TENM4: variants seen among roughly 807,000 people sequenced by gnomAD.
TENM4 encodes teneurin transmembrane protein 4.
TENM4 carries 82 observed loss-of-function variants against 243.3 expected under a neutral mutation model. The ratio of observed to expected loss-of-function variants is 0.34; its 90% CI spans 0.28 to 0.40. TENM4 has a LOEUF of 0.40. Among genes scored for constraint, TENM4 ranks in the 10% least tolerant of loss-of-function variants. The pLI, the probability that TENM4 is intolerant of heterozygous loss-of-function variation, is 1.00. For synonymous variants in TENM4, 1,412 were observed against 1,456.3 expected, an observed-to-expected ratio of 0.97 and a Z score of 0.69; for missense variants, 3,138 against 3,673.3, an observed-to-expected ratio of 0.85 and a Z score of 3.77.
chr11:78,889,494 C>G (rs1855614970), intron 9 of TENM4, among the ~76,000 whole-genome samples: 1 of 152,230 alleles, frequency 6.6e-6, no homozygotes, highest in South Asian at 2.1e-4. Context: ...AAAGGCTAGT[C>G]TTACTGAGCA....
chr11:78,673,670 A>G (rs1858392304), intron 30 of TENM4, among the ~76,000 whole-genome samples: 1 of 152,254 alleles, frequency 6.6e-6, no homozygotes, highest in African/African-American at 2.4e-5. Context: ...GAAACTTAGT[A>G]AATCAGTGGA....
At chr11:79,125,449 TATC>T (rs1370815889) in intron 4 of TENM4, among the ~76,000 whole-genome samples, 1 of 152,086 alleles carries the variant, frequency 6.6e-6, no homozygotes, top group Non-Finnish European at 1.5e-5. Context: ...CACAAGCTCT[TATC>T]ATGTGAGTGG....
At chr11:78,834,819 G>C (rs1037978502) in intron 12 of TENM4, among the ~76,000 whole-genome samples, 22 of 152,044 alleles carry the variant, frequency 1.4e-4, no homozygotes, top group African/African-American at 5.1e-4. Flanking sequence ...GAAACTTAAG[G>C]GTTTCATTGC....
At chr11:79,244,435 G>A (rs1274711285) in intron 2 of TENM4, among the ~76,000 whole-genome samples, 7 of 142,010 alleles carry the variant, frequency 4.9e-5, no homozygotes, top group African/African-American at 2.0e-4. Flanking sequence ...GGCTGTATGT[G>A]TCTATGTGTG....
At chr11:78,852,594 G>A (rs549303690) in intron 12 of TENM4, among the ~76,000 whole-genome samples, 78 of 152,244 alleles carry the variant, frequency 5.1e-4, no homozygotes, top group Admixed American at 2.2e-3. Flanking sequence ...AAGGCAGGAG[G>A]ATCACCCGAG....
chr11:78,832,415 T>C (rs1000554180), intron 12 of TENM4, among the ~76,000 whole-genome samples: 4 of 152,268 alleles, frequency 2.6e-5, no homozygotes, highest in African/African-American at 9.6e-5. Context: ...GTCTCCCTTT[T>C]GGGAGCAGCA....
intron 6 of TENM4, among the ~76,000 whole-genome samples, chr11:78,942,108 TAA>T (rs34713120): frequency 0.013 from 1,578 of 118,904 alleles, 31 homozygotes; most frequent in African/African-American, 0.044. Flanking sequence ...GCTGATGAGC[TAA>T]AAAAAAAAAA....
chr11:79,320,915 G>A (rs537112142), intron 1 of TENM4, among the ~76,000 whole-genome samples: 2 of 152,294 alleles, frequency 1.3e-5, no homozygotes, highest in African/African-American at 4.8e-5. Context: ...ACTGAGCTAG[G>A]TGTCTCTGCA....
chr11:79,363,623 G>C (rs941603997), intron 1 of TENM4, among the ~76,000 whole-genome samples: 5 of 152,212 alleles, frequency 3.3e-5, no homozygotes, highest in African/African-American at 1.2e-4. Context: ...AAAGTGTCCA[G>C]CACAGAGTCT....
chr11:79,298,863 C>A (rs1856503814), intron 1 of TENM4, among the ~76,000 whole-genome samples: 1 of 152,182 alleles, frequency 6.6e-6, no homozygotes, highest in Non-Finnish European at 1.5e-5. Flanking sequence ...CAAATCAATT[C>A]ATATTTTTTC....
chr11:78,839,779 T>C (rs180878671), intron 12 of TENM4, among the ~76,000 whole-genome samples: 5 of 152,352 alleles, frequency 3.3e-5, no homozygotes, highest in Admixed American at 3.3e-4. Context: ...GCTGTTTCTT[T>C]TTCTGTCTTT....
At chr11:79,028,525 T>G (rs1859143812) in intron 6 of TENM4, among the ~76,000 whole-genome samples, 1 of 152,166 alleles carries the variant, frequency 6.6e-6, no homozygotes. Context: ...TGTCTCAAAT[T>G]GGGTCAAGAA....
At chr11:79,154,546 C>G (rs905474286) in intron 3 of TENM4, among the ~76,000 whole-genome samples, 2 of 152,084 alleles carry the variant, frequency 1.3e-5, no homozygotes, top group Admixed American at 1.3e-4. Context: ...CCCCTGACCC[C>G]CTGCTGATGT....
chr11:78,661,025 G>A (rs1057491638), intron 33 of TENM4, among the ~76,000 whole-genome samples: 2 of 152,158 alleles, frequency 1.3e-5, no homozygotes, highest in Admixed American at 6.5e-5. Flanking sequence ...CCTCAGGCAC[G>A]AGTCTGTAAA....
intron 3 of TENM4, among the ~76,000 whole-genome samples, chr11:79,154,183 A>G (rs1862560032): frequency 6.6e-6 from 1 of 152,034 alleles, no homozygotes; most frequent in African/African-American, 2.4e-5. Context: ...TGCAGGCTGT[A>G]CAGGAAGCAT....
At chr11:78,944,309 C>A (rs995956897) in intron 6 of TENM4, among the ~76,000 whole-genome samples, 2 of 152,144 alleles carry the variant, frequency 1.3e-5, no homozygotes, top group African/African-American at 4.8e-5. Flanking sequence ...CACTTTCCTA[C>A]CCATCCCTAG....
chr11:78,906,996 G>A (rs779988208), intron 6 of TENM4, among the ~76,000 whole-genome samples: 2 of 152,152 alleles, frequency 1.3e-5, no homozygotes, highest in Non-Finnish European at 2.9e-5. Context: ...GCTAGACCAT[G>A]GGTCTATGCA....
At chr11:78,944,850 T>G (rs113006226) in intron 6 of TENM4, among the ~76,000 whole-genome samples, 6 of 152,328 alleles carry the variant, frequency 3.9e-5, no homozygotes, top group South Asian at 2.1e-4. Context: ...TCAGAATGGA[T>G]TACTAATCTG....
chr11:79,091,724 G>T (rs1860957050), intron 4 of TENM4, among the ~76,000 whole-genome samples: 1 of 152,120 alleles, frequency 6.6e-6, no homozygotes, highest in African/African-American at 2.4e-5. Context: ...TGGGACTGCA[G>T]GATGCCAACA....
Sources: allele counts gnomAD v4.1 joint callset (sites outside exome capture counted in the v4.1 genomes callset), GRCh38; gene constraint gnomAD v4.1.1; transcripts MANE v1.5; gene names NCBI Gene and HGNC (gene_info 2026-07-23, HGNC 2026-07-21).